The following SPARCL1 variants were observed in gnomAD, a reference collection of about 807,000 sequenced individuals.
SPARCL1 encodes SPARC like 1.
Under a neutral mutation model 67.1 loss-of-function variants are expected in SPARCL1, and 52 were observed. That is an observed-to-expected ratio of 0.78 (90% CI 0.62 to 0.98). The LOEUF (loss-of-function observed/expected upper bound fraction) is 0.98, where lower values mean the gene tolerates loss of function less well. Among genes scored for constraint, SPARCL1 ranks in the 50% least tolerant of loss-of-function variants. The pLI is 0.00. For missense variants in SPARCL1, 717 were observed against 782.4 expected (o/e 0.92, Z 1.00); for synonymous variants, 226 against 267.8 (o/e 0.84, Z 1.52).
chr4:87,512,660 C>G lies in SPARCL1; in HGVS notation c.-11-13075G>C, dbSNP rs192253982. ...TCACTGAAGCCAGATGAATTAACTC[C>G]AGACAAAATCAGCAGAAGAATCATG... is the stretch of plus-strand genomic sequence containing the variant. On this transcript the variant is annotated intron_variant, in intron 1 of 10. Transcript: ENST00000282470. 6.6e-5 allele frequency among the ~76,000 whole-genome samples: 10 copies of G among 152,198 alleles called. No individual in the cohort carries two copies. In the East Asian group the frequency reaches 1.4e-3, roughly 21 times the overall value.
At chr4:87,511,666 G>C (rs1725362124) in intron 1 of SPARCL1, among the ~76,000 whole-genome samples, 1 of 152,166 alleles carries the variant, frequency 6.6e-6, no homozygotes, top group Non-Finnish European at 1.5e-5. Context: ...ATGTCACAGA[G>C]AGTTCAAAGC....
chr4:87,511,509 C>T (rs1428719235), intron 1 of SPARCL1, among the ~76,000 whole-genome samples: 1 of 152,084 alleles, frequency 6.6e-6, no homozygotes, highest in African/African-American at 2.4e-5. Flanking sequence ...CATGCTGTAG[C>T]ATGAGCAGTT....
At chr4:87,491,566 T>G in intron 5 of SPARCL1, 52 bp downstream of exon 5, 1 of 1,421,728 alleles carries the variant, frequency 7.0e-7, no homozygotes, top group Non-Finnish European at 9.9e-7. Context: ...AAGTGGCAGA[T>G]TCCATTTCTT....
intron 1 of SPARCL1, among the ~76,000 whole-genome samples, chr4:87,525,590 T>G (rs2110271255): frequency 6.6e-6 from 1 of 152,280 alleles, no homozygotes; most frequent in South Asian, 2.1e-4. Flanking sequence ...TCCCAGTTGT[T>G]TTTCCCCTGT....
chr4:87,512,991 T>A (rs764267648), intron 1 of SPARCL1, among the ~76,000 whole-genome samples: 17 of 152,172 alleles, frequency 1.1e-4, no homozygotes, highest in Non-Finnish European at 2.1e-4. Flanking sequence ...TCTTGGTAAA[T>A]CCTGGATACA....
intron 1 of SPARCL1, among the ~76,000 whole-genome samples, chr4:87,510,124 A>G (rs1049758226): frequency 6.6e-6 from 1 of 152,212 alleles, no homozygotes; most frequent in African/African-American, 2.4e-5. Context: ...GTAGAAACTC[A>G]TCACTTCATA....
intron 1 of SPARCL1, among the ~76,000 whole-genome samples, chr4:87,524,851 T>G (rs1725974899): frequency 6.6e-6 from 1 of 152,172 alleles, no homozygotes; most frequent in Non-Finnish European, 1.5e-5. Context: ...AGCATGTACA[T>G]TCATTATTTT....
chr4:87,513,835 A>G (rs1391366282), intron 1 of SPARCL1, among the ~76,000 whole-genome samples: 1 of 152,130 alleles, frequency 6.6e-6, no homozygotes, highest in Non-Finnish European at 1.5e-5. Context: ...CACCTATCCT[A>G]TATTCTATAC....
At chr4:87,513,737 C>T (rs1011656201) in intron 1 of SPARCL1, among the ~76,000 whole-genome samples, 4 of 152,276 alleles carry the variant, frequency 2.6e-5, no homozygotes, top group Admixed American at 6.5e-5. Flanking sequence ...TCCCCTTTTC[C>T]GTATCTTCCT....
chr4:87,522,683 G>GCA (rs146948007), intron 1 of SPARCL1, among the ~76,000 whole-genome samples: 47 of 102,700 alleles, frequency 4.6e-4, no homozygotes, highest in East Asian at 9.0e-4. Context: ...ACACACACAC[G>GCA]CACACACACA....
intron 10 of SPARCL1, among the ~76,000 whole-genome samples, chr4:87,478,562 C>T (rs150948816): frequency 0.013 from 2,023 of 151,868 alleles, 36 homozygotes; most frequent in African/African-American, 0.046. Flanking sequence ...CTCAGCCTCC[C>T]GAGTAGCTGG....
intron 1 of SPARCL1, among the ~76,000 whole-genome samples, chr4:87,507,139 C>T (rs1725117409): frequency 6.6e-6 from 1 of 152,102 alleles, no homozygotes; most frequent in African/African-American, 2.4e-5. Context: ...CTTTTAATGC[C>T]AGGAGTATTT....
In SPARCL1 at chr4:87,507,790, AG is replaced by A. The variant is rs141606261; in HGVS notation, c.-11-8206del. On this transcript the variant is annotated intron_variant, in intron 1 of 10. Transcript: ENST00000282470. ...TTTCCCAGATACCAGTCACAAGATC[AG>A]GCCTCCAGAACTTCTGGCTGACTGG... Among the ~76,000 whole-genome samples the A allele has an allele frequency of 8.0e-3, 1,214 of 152,344 alleles. 19 individuals carry two copies. Among genetic ancestry groups the A allele is most frequent in the African/African-American group, 0.027 (1,126 of 41,576 alleles).
intron 8 of SPARCL1, 21 bp downstream of exon 8, chr4:87,482,403 G>A: frequency 1.2e-6 from 2 of 1,610,444 alleles, no homozygotes; most frequent in African/African-American, 2.7e-5. Flanking sequence ...CATTGAAGAA[G>A]CTAACCTGTG....
rs147929115 is a variant in SPARCL1 at position 87,473,888 on chromosome 4, G to A, written c.1967-85C>T. 5.4e-4 allele frequency: 490 copies of A among 899,666 alleles called. 1 individual carries two copies. In the African/African-American group the frequency reaches 6.7e-3, roughly 12 times the overall value. 55.7% of individuals were successfully genotyped at this position (899,666 alleles called of 1,614,324 possible). A position where few individuals can be genotyped will look rare whatever the true frequency, so the allele number is the denominator to read the frequency against. ...ACAATATTAGAGTTGGGGGATTAGA[G>A]AAACCATCTAATAAGGCAGTATAAT... On this transcript the variant is annotated intron_variant, in intron 10 of 10. Coordinates refer to ENST00000282470, the MANE Select transcript of SPARCL1 (RefSeq NM_004684.6).
At chr4:87,509,076 GTATC>G (rs1004663539) in intron 1 of SPARCL1, among the ~76,000 whole-genome samples, 3 of 147,946 alleles carry the variant, frequency 2.0e-5, no homozygotes, top group South Asian at 2.1e-4. Flanking sequence ...TACTAATAAT[GTATC>G]TATAAATATA....
At chr4:87,525,162 C>CAA (rs137937525) in intron 1 of SPARCL1, among the ~76,000 whole-genome samples, 2,167 of 138,258 alleles carry the variant, frequency 0.016, 23 homozygotes, top group East Asian at 0.024. Flanking sequence ...GACTCTGTCT[C>CAA]AAAAAAAAAA....
rs188240482 is a variant in SPARCL1 at position 87,482,634 on chromosome 4, C to T, written c.1532-74G>A. 1,332 of 1,541,768 alleles carry T rather than the reference C, an allele frequency of 8.6e-4. 17 individuals carry two copies. The South Asian group carries it at 0.011, about 12-fold the overall frequency. The stretch of plus-strand genomic sequence containing the variant: ...TATGGCAAGTCCTCATAATAGGAAG[C>T]TTAACGACTTCTGGCAACTGACAGA... On this transcript the variant is annotated intron_variant, in intron 7 of 10. Coordinates refer to ENST00000282470, the MANE Select transcript of SPARCL1 (RefSeq NM_004684.6).
At position 87,493,822 on chromosome 4, in the gene SPARCL1, A is replaced by T. The variant is rs770410128; in HGVS notation, c.978T>A (p.Asp326Glu). The T allele has an allele frequency of 6.2e-7, 1 of 1,614,114 alleles. No homozygotes were observed. Among genetic ancestry groups the T allele is most frequent in the South Asian group, 1.1e-5 (1 of 91,078 alleles). ...GATTTCTGGGCGTGGTATTACCATC[A>T]TCAGTAGGTTCCATGAGCAGAGCCT... The part of the protein sequence containing the change: ...VSEALLMEPT[D>E]DGNTTPRNHG... Residue 326 changes from aspartate (D) to glutamate (E), a missense_variant, in exon 4 of 11, where the codon GAT (aspartate) becomes GAA (glutamate). Coordinates refer to ENST00000282470, the MANE Select transcript of SPARCL1 (RefSeq NM_004684.6).
Sources: gnomAD v4.1 joint callset for allele counts (sites outside exome capture counted in the v4.1 genomes callset) on GRCh38, gnomAD v4.1.1 for gene constraint, MANE v1.5 for transcripts, NCBI Gene and HGNC (gene_info 2026-07-23, HGNC 2026-07-21) for gene names.